TCIRG1: variants seen among roughly 807,000 people sequenced by gnomAD.
TCIRG1 encodes V-type proton ATPase 116 kDa subunit a 3.
TCIRG1 carries 86 observed loss-of-function variants against 95.5 expected under a neutral mutation model. That is an observed-to-expected ratio of 0.90 (90% CI 0.76 to 1.08). TCIRG1 has a LOEUF of 1.08. Among genes scored for constraint, TCIRG1 ranks in the 50% least tolerant of loss-of-function variants. The pLI is 0.00. For synonymous variants in TCIRG1, 499 were observed against 501.3 expected, an observed-to-expected ratio of 1.00 and a Z score of 0.06; for missense variants, 1,069 against 1,140.2, an observed-to-expected ratio of 0.94 and a Z score of 0.90.
At chr11:68,045,905 A>T (rs561939692) in intron 10 of TCIRG1, among the ~76,000 whole-genome samples, 45 of 152,026 alleles carry the variant, frequency 3.0e-4, no homozygotes, top group Non-Finnish European at 5.9e-4. Context: ...GCTCCACCAC[A>T]TCACACCCAT....
At chr11:68,040,812 G>A (rs1042295211) in intron 1 of TCIRG1, among the ~76,000 whole-genome samples, 122 of 152,314 alleles carry the variant, frequency 8.0e-4, no homozygotes, top group African/African-American at 2.6e-3. Flanking sequence ...CGGTGGAGAT[G>A]CCCGCTCCTA....
chr11:68,050,627 G>A lies in TCIRG1; in HGVS notation c.2377G>A (p.Gly793Arg), dbSNP rs765444519. 1 of 1,613,348 alleles carries A rather than the reference G, an allele frequency of 6.2e-7. No individual in the cohort carries two copies. Among genetic ancestry groups the A allele is most frequent in the South Asian group, 1.1e-5 (1 of 91,086 alleles). Residue 793 changes from glycine to arginine, a missense_variant, in exon 19 of 20, where the codon GGA (glycine) becomes AGA (arginine). Transcript: ENST00000265686. ...CGTGGCTATCCTGCTGGTGATGGAG[G>A]GACTCTCAGCCTTCCTGCACGCCCT... ...MTVAILLVME[G>R]LSAFLHALRL...
Position 68,047,964 on chromosome 11 carries a change from A to T in TCIRG1, c.1546A>T (p.Ile516Phe). ...GVFLGPYPFG[I>F]DPIWSLAANH... Reference sequence around the variant, plus strand: ...CTTCCTGGGACCCTACCCCTTTGGCATCGATCCTGTGAGTCCTGGGATGGA... The same window carrying T: ...CTTCCTGGGACCCTACCCCTTTGGCTTCGATCCTGTGAGTCCTGGGATGGA... The change falls in exon 13 of 20, where the codon ATC (isoleucine) becomes TTC (phenylalanine). Residue 516 changes from isoleucine to phenylalanine, a missense_variant. Coordinates refer to ENST00000265686, the MANE Select transcript of TCIRG1 (RefSeq NM_006019.4). The T allele has an allele frequency of 6.2e-7, 1 of 1,613,652 alleles. No homozygotes were observed. Among genetic ancestry groups the T allele is most frequent in the Non-Finnish European group, 8.5e-7 (1 of 1,179,946 alleles).
In TCIRG1 at chr11:68,050,747, A is replaced by G. The variant is rs765947891; in HGVS notation, c.2421A>G (p.Glu807=). ...CTCTGCTTCTCACCCCCAGGGTGGA[A>G]TTCCAGAACAAGTTCTACTCAGGCA... is the stretch of plus-strand genomic sequence containing the variant. ...FLHALRLHWV[E]FQNKFYSGTG... is the part of the protein sequence containing the mutation. Residue 807 remains glutamate (E), a synonymous_variant, in exon 20 of 20, where the codon GAA becomes GAG. Transcript: ENST00000265686. The G allele has an allele frequency of 2.5e-6, 4 of 1,613,816 alleles. No individual in the cohort carries two copies. In the South Asian group the frequency reaches 4.4e-5, roughly 18 times the overall value.
Position 68,047,642 on chromosome 11 carries a change from C to A in TCIRG1, c.1306-5C>A, listed in dbSNP as rs373679585. 2 of 1,613,352 alleles carry A rather than the reference C, an allele frequency of 1.2e-6. No individual in the cohort carries two copies. The highest frequency in any genetic ancestry group is 1.1e-5 in the South Asian group (1 of 91,092). ...CAGCCCCTCACCACACCACTGCCCC[C>A]CCAGATCTGGCAGACTTTCTTCAGG... On this transcript the variant is annotated splice_polypyrimidine_tract_variant and splice_region_variant and intron_variant, in intron 11 of 19. Transcript: ENST00000265686.
At position 68,048,898 on chromosome 11, in the gene TCIRG1, A is replaced by G; in HGVS notation, c.1574A>G (p.Asn525Ser). ...GIDPIWSLAA[N>S]HLSFLNSFKM... ...CCCTAGATTTGGAGCCTGGCTGCCA[A>G]CCACTTGAGCTTCCTCAACTCCTTC... The change falls in exon 14 of 20, where the codon AAC becomes AGC. Residue 525 changes from asparagine (N) to serine (S), a missense_variant. By Grantham distance (46) the Asn-to-Ser change is conservative (BLOSUM62 1). Transcript: ENST00000265686. 1.2e-6 allele frequency: 2 copies of G among 1,612,478 alleles called. No individual in the cohort carries two copies. The highest frequency in any genetic ancestry group is 8.5e-7 in the Non-Finnish European group (1 of 1,179,992).
At position 68,041,389 on chromosome 11, in the gene TCIRG1, G is replaced by A. The variant is rs377303800; in HGVS notation, c.117+1G>A. 28 of 1,603,768 alleles carry A rather than the reference G, an allele frequency of 1.7e-5. No individual in the cohort carries two copies. The highest frequency in any genetic ancestry group is 2.4e-5 in the Non-Finnish European group (28 of 1,172,140). ...GCTGGGCCTCGTGGAGTTCAGAGAC[G>A]TGAGTTGGGTGGGCAGGCGTGGGAA... On this transcript the variant is annotated splice_donor_variant, in intron 2 of 19. Coordinates refer to ENST00000265686, the MANE Select transcript of TCIRG1 (RefSeq NM_006019.4). LOFTEE classifies it high-confidence loss of function.
At chr11:68,053,724 G>A (rs1312015301), downstream of TCIRG1, 1 of 383,662 alleles carries the variant, frequency 2.6e-6, no homozygotes, top group Non-Finnish European at 4.7e-6. Context: ...GCCTTCTCTA[G>A]ATTAAAAGGA....
rs767754991 is a variant in TCIRG1 at position 68,047,984 on chromosome 11, G to A, written c.1554+12G>A. On this transcript the variant is annotated intron_variant, in intron 13 of 19. Coordinates refer to ENST00000265686, the MANE Select transcript of TCIRG1 (RefSeq NM_006019.4). ...TTGGCATCGATCCTGTGAGTCCTGGGATGGAGTGTCCGTGGGTGGTGAAGG... is the reference window on the plus strand; with the variant it reads ...TTGGCATCGATCCTGTGAGTCCTGGAATGGAGTGTCCGTGGGTGGTGAAGG... The A allele has an allele frequency of 1.9e-6, 3 of 1,612,328 alleles. No homozygotes were observed. The highest frequency in any genetic ancestry group is 2.5e-6 in the Non-Finnish European group (3 of 1,178,796).
chr11:68,044,681 G>A (rs1038671026), intron 9 of TCIRG1: 14 of 590,142 alleles, frequency 2.4e-5, no homozygotes, highest in South Asian at 1.0e-4. Flanking sequence ...CACCCGCCGC[G>A]CACAGCAGGT....
chr11:68,048,090 C>G, intron 13 of TCIRG1, 118 bp downstream of exon 13: 1 of 898,692 alleles, frequency 1.1e-6, no homozygotes, highest in Non-Finnish European at 1.8e-6. Context: ...GTGCCAGGCC[C>G]TTTCCTCAGC....
chr11:68,046,069 G>A (rs1389882172), intron 10 of TCIRG1, among the ~76,000 whole-genome samples: 4 of 152,234 alleles, frequency 2.6e-5, no homozygotes, highest in Non-Finnish European at 5.9e-5. Context: ...CTGGAGGCCC[G>A]TGGCAGATAG....
At chr11:68,050,112 G>T in intron 17 of TCIRG1, 25 bp from the exon 18 acceptor site, 2 of 1,612,242 alleles carry the variant, frequency 1.2e-6, no homozygotes. Flanking sequence ...AGGCCCTGCC[G>T]GCCCTCACTG....
Position 68,043,386 on chromosome 11 carries a change from C to A in TCIRG1, c.519C>A (p.Ala173=), listed in dbSNP as rs752722985. 1.9e-6 allele frequency: 3 copies of A among 1,539,280 alleles called. No homozygotes were observed. The highest frequency in any genetic ancestry group is 2.6e-6 in the Non-Finnish European group (3 of 1,146,364). Residue 173 remains alanine, a synonymous_variant, in exon 6 of 20, where the codon GCC becomes GCA. Transcript: ENST00000265686. ...QDLRVNFVAG[A]VEPHKAPALE... ...TGGCCGCCAGCTTTGTGGCAGGTGCCGTGGAGCCCCACAAGGCCCCTGCCC... is the reference window on the plus strand; with the variant it reads ...TGGCCGCCAGCTTTGTGGCAGGTGCAGTGGAGCCCCACAAGGCCCCTGCCC...
At chr11:68,041,706 C>T (rs1187310797) in intron 2 of TCIRG1, 47 bp from the exon 3 acceptor site, 1 of 1,518,978 alleles carries the variant, frequency 6.6e-7, no homozygotes, top group Non-Finnish European at 9.0e-7. Context: ...TGAGGAGCTC[C>T]CTGACCCCCT....
At chr11:68,043,204 TCTC>T (rs1244043572) in intron 5 of TCIRG1, 164 bp from the exon 6 acceptor site, 3 of 1,482,908 alleles carry the variant, frequency 2.0e-6, no homozygotes, top group East Asian at 2.5e-5. Context: ...CCTAGGGGGT[TCTC>T]CTCTTCTGGT....
Position 68,041,275 on chromosome 11 carries a change from G to A in TCIRG1, c.4G>A (p.Gly2Ser), listed in dbSNP as rs1328822079. M[G>S]SMFRSEEVAL... ...ATCCGTGTCCACCCACAGGACCATG[G>A]GCTCCATGTTCCGGAGCGAGGAGGT... is the stretch of plus-strand genomic sequence containing the variant. Residue 2 changes from glycine to serine, a missense_variant, in exon 2 of 20, where the codon GGC becomes AGC. Coordinates refer to ENST00000265686, the MANE Select transcript of TCIRG1 (RefSeq NM_006019.4). 8.1e-6 allele frequency: 13 copies of A among 1,611,086 alleles called. No homozygotes were observed. The highest frequency in any genetic ancestry group is 2.2e-5 in the South Asian group (2 of 91,042).
At chr11:68,048,496 G>T (rs1363087516) in intron 13 of TCIRG1, among the ~76,000 whole-genome samples, 2 of 152,172 alleles carry the variant, frequency 1.3e-5, no homozygotes, top group Non-Finnish European at 2.9e-5. Flanking sequence ...GTTTCACCAT[G>T]TTGGCTAGGC....
At chr11:68,048,252 C>T (rs900868505) in intron 13 of TCIRG1, 126 of 562,660 alleles carry the variant, frequency 2.2e-4, no homozygotes, top group Admixed American at 4.9e-4. Flanking sequence ...TTGCACTGTG[C>T]CAAGCACTGT....
Sources: gnomAD v4.1 joint callset for allele counts (sites outside exome capture counted in the v4.1 genomes callset) on GRCh38, gnomAD v4.1.1 for gene constraint, MANE v1.5 for transcripts, NCBI Gene and HGNC (gene_info 2026-07-23, HGNC 2026-07-21) for gene names.